RASSF6: variants seen among roughly 807,000 people sequenced by gnomAD.
The protein encoded by RASSF6 is ras association domain-containing protein 6.
A neutral mutation model predicts 44.0 loss-of-function variants in RASSF6; 52 were observed. The ratio of observed to expected loss-of-function variants is 1.18; its 90% CI spans 0.95 to 1.49. The LOEUF is 1.49. Among genes scored for constraint, RASSF6 ranks in the 40% most tolerant of loss-of-function variants. RASSF6 has a pLI of 0.00. For missense variants in RASSF6, 464 were observed against 393.3 expected, an observed-to-expected ratio of 1.18 and a Z score of -1.52; for synonymous variants, 162 against 124.6, an observed-to-expected ratio of 1.30 and a Z score of -2.00.
chr4:73,579,992 A>G (rs2149364189), intron 8 of RASSF6, among the ~76,000 whole-genome samples: 1 of 151,044 alleles, frequency 6.6e-6, no homozygotes, highest in South Asian at 2.1e-4. Flanking sequence ...ATCTAGCATT[A>G]GGTGTATCTC....
At chr4:73,597,862 G>C (rs905254631) in intron 3 of RASSF6, among the ~76,000 whole-genome samples, 2 of 152,142 alleles carry the variant, frequency 1.3e-5, no homozygotes, top group Admixed American at 6.5e-5. Context: ...AACTGATGCA[G>C]GTATAGAAAA....
intron 3 of RASSF6, among the ~76,000 whole-genome samples, chr4:73,595,729 C>T (rs1247649): frequency 0.99 from 150,597 of 152,264 alleles, 74,492 homozygotes; most frequent in Middle Eastern, 1. Flanking sequence ...ATTTAAGATA[C>T]AGGACAATGT....
In RASSF6 at chr4:73,593,305, C is replaced by A. The variant is rs111616468; in HGVS notation, c.287+146G>T. On this transcript the variant is annotated intron_variant, in intron 4 of 10. Coordinates refer to ENST00000307439, the MANE Select transcript of RASSF6 (RefSeq NM_177532.5). ...TGCCGGGATTACAGGTGTGAGCCAC[C>A]GTGCCCGGCCATTGCTGGGAAATTA... 848 of 782,702 alleles carry A rather than the reference C, an allele frequency of 1.1e-3. 6 individuals carry two copies. Among genetic ancestry groups the A allele is most frequent in the African/African-American group, 0.011 (597 of 55,330 alleles). 48.5% of individuals were successfully genotyped at this position (782,702 alleles called of 1,614,324 possible). A position where few individuals can be genotyped will look rare whatever the true frequency, so the allele number is the denominator to read the frequency against.
rs115558074 is a variant in RASSF6, at chr4:73,579,626, C to T, written c.721+2191G>A. 4.0e-3 allele frequency among the ~76,000 whole-genome samples: 605 copies of T among 151,776 alleles called. 4 individuals carry two copies. Among genetic ancestry groups the T allele is most frequent in the African/African-American group, 0.014 (582 of 41,398 alleles). On this transcript the variant is annotated intron_variant, in intron 8 of 10. Transcript: ENST00000307439. ...TTTTCATGCTTTTTTCTATTTTTAT[C>T]GGATTGTCTGTTGTTTTGTTACCAT...
chr4:73,588,364 G>A (rs957340752), intron 4 of RASSF6, among the ~76,000 whole-genome samples: 4 of 152,040 alleles, frequency 2.6e-5, no homozygotes, highest in Non-Finnish European at 5.9e-5. Context: ...GTTAGGTAGA[G>A]TGGCTCTAAA....
At chr4:73,590,995 C>T (rs982211262) in intron 4 of RASSF6, among the ~76,000 whole-genome samples, 1 of 152,166 alleles carries the variant, frequency 6.6e-6, no homozygotes, top group Non-Finnish European at 1.5e-5. Flanking sequence ...GGCATATTAC[C>T]TTGTCCACCT....
chr4:73,572,266 C>A lies in RASSF6; in HGVS notation c.*3969G>T, dbSNP rs1248078775. ...CTGCTCAGGACATGGCAGTTGACTT[C>A]CCCCAGAGCAAGTGGTCCAAGAGAG... On this transcript the variant is annotated 3_prime_UTR_variant, in exon 11 of 11. Transcript: ENST00000307439. The A allele has an allele frequency of 6.6e-6, 1 of 152,028 alleles. No individual in the cohort carries two copies. The highest frequency in any genetic ancestry group is 2.4e-5 in the African/African-American group (1 of 41,384). The allele number at this position is 152,028 out of a possible 1,614,324, so 9.4% of individuals were successfully genotyped here.
intron 2 of RASSF6, among the ~76,000 whole-genome samples, chr4:73,607,315 A>G (rs1192151363): frequency 6.6e-6 from 1 of 152,014 alleles, no homozygotes; most frequent in Non-Finnish European, 1.5e-5. Context: ...TTCAAGAGAC[A>G]TTTTCCCTGT....
rs1238069824 is a variant in RASSF6 at position 73,616,219 on chromosome 4, CTATA to C, written c.-35+4065_-35+4068del. Among the ~76,000 whole-genome samples the C allele has an allele frequency of 2.0e-3, 286 of 142,792 alleles. 2 individuals are homozygous for C. In the South Asian group the frequency reaches 0.02, roughly 10 times the overall value. 93.7% of individuals were successfully genotyped at this position (142,792 alleles called of 152,430 possible). A position where few individuals can be genotyped will look rare whatever the true frequency, so the allele number is the denominator to read the frequency against. On this transcript the variant is annotated intron_variant, in intron 1 of 10. Coordinates refer to ENST00000307439, the MANE Select transcript of RASSF6 (RefSeq NM_177532.5). ...AAAGAACTAATATATATACATATAT[CTATA>C]TCTATCTATCTATCTATCTATCTAT...
chr4:73,616,240 T>A (rs1250034739), intron 1 of RASSF6, among the ~76,000 whole-genome samples: 1 of 152,052 alleles, frequency 6.6e-6, no homozygotes, highest in Non-Finnish European at 1.5e-5. Flanking sequence ...TATCTATCTA[T>A]CTATCTATCT....
At chr4:73,598,352 T>C (rs1578046865) in intron 3 of RASSF6, among the ~76,000 whole-genome samples, 1 of 152,238 alleles carries the variant, frequency 6.6e-6, no homozygotes, top group Non-Finnish European at 1.5e-5. Flanking sequence ...TCTTTCTATA[T>C]ACATTCTGAC....
At position 73,581,912 on chromosome 4, in the gene RASSF6, T is replaced by C. The variant is rs761896225; in HGVS notation, c.670-44A>G. The C allele has an allele frequency of 5.3e-6, 8 of 1,511,488 alleles. No homozygotes were observed. In the Middle Eastern group the frequency reaches 5.2e-4, roughly 98 times the overall value. The allele number at this position is 1,511,488 out of a possible 1,614,324, so 93.6% of individuals were successfully genotyped here. On this transcript the variant is annotated intron_variant, in intron 7 of 10. Transcript: ENST00000307439. ...AACAAATATAAATTCTTTGTTGTTA[T>C]ATGATGTTTTCTAACCTGACCAGAC...
At position 73,598,693 on chromosome 4, in the gene RASSF6, T is replaced by C. The variant is rs1725093130; in HGVS notation, c.91A>G (p.Thr31Ala). 2 of 1,471,956 alleles carry C rather than the reference T, an allele frequency of 1.4e-6. No individual in the cohort carries two copies. The highest frequency in any genetic ancestry group is 9.3e-7 in the Non-Finnish European group (1 of 1,077,126). The allele number at this position is 1,471,956 out of a possible 1,614,324, so 91.2% of individuals were successfully genotyped here. The change falls in exon 3 of 11, where the codon ACC (threonine) becomes GCC (alanine). Residue 31 changes from threonine to alanine, a missense_variant. Coordinates refer to ENST00000307439, the MANE Select transcript of RASSF6 (RefSeq NM_177532.5). ...TGGTTCTCATAAAAAATGTTATAGG[T>C]CTTCAATAAAGAATTAAGTTGTTCC... ...TREQLNSLLK[T>A]YNIFYENQKN...
upstream of RASSF6, chr4:73,620,464 CGGG>C (rs1430526721): frequency 6.5e-7 from 1 of 1,547,038 alleles, no homozygotes; most frequent in Admixed American, 2.0e-5. Context: ...GAGGCCCGCG[CGGG>C]CGCAGGGGCG....
chr4:73,576,039 C>CAAACTCAT lies in RASSF6; in HGVS notation c.*188_*195dup. The CAAACTCAT allele has an allele frequency of 2.3e-6, 1 of 442,858 alleles. No individual in the cohort carries two copies. The highest frequency in any genetic ancestry group is 4.0e-6 in the Non-Finnish European group (1 of 250,116). The allele number at this position is 442,858 out of a possible 1,614,324, so 27.4% of individuals were successfully genotyped here. A position where few individuals can be genotyped will look rare whatever the true frequency, so the allele number is the denominator to read the frequency against. On this transcript the variant is annotated 3_prime_UTR_variant, in exon 11 of 11. Coordinates refer to ENST00000307439, the MANE Select transcript of RASSF6 (RefSeq NM_177532.5). Reference sequence around the variant, plus strand: ...TTATTTCAGTTACTGAAACTAAACTCAAACTCATTTTGTCCAACTGTGAAC... The same window carrying CAAACTCAT: ...TTATTTCAGTTACTGAAACTAAACTCAAACTCATAAACTCATTTTGTCCAACTGTGAAC...
In RASSF6 at chr4:73,573,465, C is replaced by T. The variant is rs1466046329; in HGVS notation, c.*2770G>A. 1 of 152,114 alleles carries T rather than the reference C, an allele frequency of 6.6e-6. No individual in the cohort carries two copies. Among genetic ancestry groups the T allele is most frequent in the Non-Finnish European group, 1.5e-5 (1 of 68,020 alleles). 9.4% of individuals were successfully genotyped at this position (152,114 alleles called of 1,614,324 possible). Reference sequence around the variant, plus strand: ...TCATCTTTTAAAATAATTTTCTGAACATTTAGGCTTTTTATTTCCTTTTGT... The same window carrying T: ...TCATCTTTTAAAATAATTTTCTGAATATTTAGGCTTTTTATTTCCTTTTGT... On this transcript the variant is annotated 3_prime_UTR_variant, in exon 11 of 11. Transcript: ENST00000307439.
chr4:73,616,371 T>C (rs1726367069), intron 1 of RASSF6, among the ~76,000 whole-genome samples: 1 of 152,166 alleles, frequency 6.6e-6, no homozygotes, highest in Non-Finnish European at 1.5e-5. Context: ...TCTAATTACT[T>C]ACTGCTTTCT....
intron 8 of RASSF6, among the ~76,000 whole-genome samples, chr4:73,577,885 C>G (rs1362190099): frequency 6.6e-6 from 1 of 152,148 alleles, no homozygotes; most frequent in African/African-American, 2.4e-5. Context: ...ACTTGGGAAT[C>G]TGTATTTTAA....
intron 1 of RASSF6, among the ~76,000 whole-genome samples, chr4:73,614,472 A>C (rs1211101804): frequency 6.6e-6 from 1 of 152,210 alleles, no homozygotes; most frequent in Non-Finnish European, 1.5e-5. Flanking sequence ...AGAGCATAGC[A>C]AAAAGACCAT....
Sources: allele counts gnomAD v4.1 joint callset (sites outside exome capture counted in the v4.1 genomes callset), GRCh38; gene constraint gnomAD v4.1.1; transcripts MANE v1.5; gene names NCBI Gene and HGNC (gene_info 2026-07-23, HGNC 2026-07-21).